Variants in PAMR1 observed in about 807,000 individuals in gnomAD.
PAMR1 encodes the protein inactive serine protease PAMR1.
In PAMR1, 88 loss-of-function variants were observed where a neutral mutation model predicts 81.8. The observed-to-expected ratio is 1.08, with a 90% CI of 0.91 to 1.28. The LOEUF is 1.28. PAMR1 is among the 50% of genes most tolerant of loss of function. PAMR1 has a pLI of 0.00. For synonymous variants in PAMR1, 336 were observed against 345.3 expected (o/e 0.97, Z 0.30); for missense variants, 935 against 919.7 (o/e 1.02, Z -0.21).
intron 6 of PAMR1, among the ~76,000 whole-genome samples, chr11:35,460,846 A>G (rs79545974): frequency 0.02 from 3,115 of 152,208 alleles, 83 homozygotes; most frequent in Admixed American, 0.068. Context: ...GGGATGGCTG[A>G]GTCAAACGGT....
intron 10 of PAMR1, among the ~76,000 whole-genome samples, chr11:35,433,528 C>T (rs1302608205): frequency 5.3e-5 from 8 of 152,236 alleles, no homozygotes; most frequent in Non-Finnish European, 1.0e-4. Context: ...GTTCTATTAC[C>T]TCAATCTCCT....
chr11:35,441,390 T>C (rs1856160914), intron 7 of PAMR1, 91 bp downstream of exon 7: 2 of 892,146 alleles, frequency 2.2e-6, no homozygotes, highest in South Asian at 1.6e-5. Flanking sequence ...GAAAGGCATT[T>C]TTCCAGGGGC....
At chr11:35,526,353 T>G (rs541076400), upstream of PAMR1, among the ~76,000 whole-genome samples, 1 of 152,332 alleles carries the variant, frequency 6.6e-6, no homozygotes, top group Non-Finnish European at 1.5e-5. Flanking sequence ...AAATAGCTCC[T>G]GCGCACACGC....
chr11:35,514,923 C>G (rs635896), intron 1 of PAMR1, among the ~76,000 whole-genome samples: 1 of 151,998 alleles, frequency 6.6e-6, no homozygotes, highest in Non-Finnish European at 1.5e-5. Context: ...GAGGATCACT[C>G]GAGCCCAGCA....
intron 1 of PAMR1, among the ~76,000 whole-genome samples, chr11:35,523,791 G>A (rs1280726647): frequency 6.6e-6 from 1 of 152,152 alleles, no homozygotes. Flanking sequence ...CTAAACACAT[G>A]AAGCTGCGCT....
At chr11:35,524,306 A>C (rs17795120) in intron 1 of PAMR1, among the ~76,000 whole-genome samples, 31,495 of 152,166 alleles carry the variant, frequency 0.21, 3,548 homozygotes, top group Non-Finnish European at 0.25. Context: ...ATTAAGGAAG[A>C]TCCTACCTGG....
chr11:35,503,279 C>T (rs1038823065), intron 1 of PAMR1, among the ~76,000 whole-genome samples: 4 of 124,840 alleles, frequency 3.2e-5, no homozygotes, highest in Non-Finnish European at 5.0e-5. Flanking sequence ...TGTGATGTCT[C>T]CAGCTTTTTT....
intron 6 of PAMR1, among the ~76,000 whole-genome samples, chr11:35,450,585 A>G (rs1856395208): frequency 6.6e-6 from 1 of 152,234 alleles, no homozygotes; most frequent in South Asian, 2.1e-4. Flanking sequence ...AGCTTCTAAT[A>G]GCACAGATTC....
At chr11:35,433,791 G>C (rs1855967591) in intron 10 of PAMR1, among the ~76,000 whole-genome samples, 1 of 151,252 alleles carries the variant, frequency 6.6e-6, no homozygotes, top group South Asian at 2.1e-4. Flanking sequence ...TGGATCGATG[G>C]CTGGATGGAT....
At chr11:35,494,355 A>T (rs1850684972) in intron 1 of PAMR1, 83 bp from the exon 2 acceptor site, 1 of 1,229,632 alleles carries the variant, frequency 8.1e-7, no homozygotes, top group Admixed American at 1.7e-5. Flanking sequence ...TTGTTTTGAG[A>T]CGGAGTCTTG....
chr11:35,435,384 T>C (rs1856016842), intron 9 of PAMR1, among the ~76,000 whole-genome samples: 1 of 152,134 alleles, frequency 6.6e-6, no homozygotes, highest in Middle Eastern at 3.2e-3. Context: ...TTTTTTATAT[T>C]TTCAGTAGAG....
chr11:35,434,721 T>C lies in PAMR1; in HGVS notation c.1417A>G (p.Ser473Gly), dbSNP rs1157548543. The change falls in exon 10 of 11, where the codon AGC (serine) becomes GGC (glycine). Residue 473 changes from serine to glycine, a missense_variant. Coordinates refer to ENST00000619888, the MANE Select transcript of PAMR1 (RefSeq NM_001001991.3). ...PWQAAIYRRT[S>G]GVHDGSLHKG... ...TGTAGGCTGCCGTCATGCACCCCGC[T>C]GGTCCTCCTGTAGATGGCTGCCTGC... The C allele has an allele frequency of 6.2e-7, 1 of 1,614,186 alleles. No homozygotes were observed. The highest frequency in any genetic ancestry group is 1.1e-5 in the South Asian group (1 of 91,078).
At chr11:35,515,412 C>T (rs1851143903) in intron 1 of PAMR1, among the ~76,000 whole-genome samples, 2 of 152,278 alleles carry the variant, frequency 1.3e-5, no homozygotes, top group Admixed American at 6.5e-5. Flanking sequence ...AATGGTATGT[C>T]CAATGGGTCC....
At chr11:35,503,032 CA>C (rs1444332860) in intron 1 of PAMR1, among the ~76,000 whole-genome samples, 3 of 152,098 alleles carry the variant, frequency 2.0e-5, no homozygotes, top group African/African-American at 7.2e-5. Flanking sequence ...AAATAACGGT[CA>C]AGTTTCATAC....
At chr11:35,441,186 G>C (rs545476344) in intron 7 of PAMR1, among the ~76,000 whole-genome samples, 2 of 152,148 alleles carry the variant, frequency 1.3e-5, no homozygotes, top group East Asian at 3.9e-4. Flanking sequence ...TCTATACTTG[G>C]ATTTGCATAT....
chr11:35,457,030 T>C (rs1406141535), intron 6 of PAMR1, among the ~76,000 whole-genome samples: 1 of 152,212 alleles, frequency 6.6e-6, no homozygotes, highest in Admixed American at 6.5e-5. Flanking sequence ...TCTAATAGTT[T>C]AGAGAAACAA....
At chr11:35,518,889 G>T (rs868596289) in intron 1 of PAMR1, among the ~76,000 whole-genome samples, 1 of 152,086 alleles carries the variant, frequency 6.6e-6, no homozygotes, top group Non-Finnish European at 1.5e-5. Context: ...TGTCTCACCC[G>T]AGCTAAAGTT....
intron 6 of PAMR1, among the ~76,000 whole-genome samples, chr11:35,450,707 A>G (rs184183031): frequency 6.6e-6 from 1 of 152,378 alleles, no homozygotes; most frequent in East Asian, 1.9e-4. Context: ...AATTCGTTGC[A>G]GACATAAAAA....
chr11:35,437,111 T>G (rs598072), intron 8 of PAMR1, among the ~76,000 whole-genome samples: 41,522 of 152,122 alleles, frequency 0.27, 5,835 homozygotes, highest in Admixed American at 0.32. Context: ...GGATATTAAA[T>G]GAGCCCTGAA....
Sources: gnomAD v4.1 joint callset for allele counts (sites outside exome capture counted in the v4.1 genomes callset) on GRCh38, gnomAD v4.1.1 for gene constraint, MANE v1.5 for transcripts, NCBI Gene and HGNC (gene_info 2026-07-23, HGNC 2026-07-21) for gene names.